The following XPNPEP3 variants were observed in gnomAD, a reference collection of about 807,000 sequenced individuals.
XPNPEP3 encodes X-prolyl aminopeptidase 3.
A neutral mutation model predicts 60.0 loss-of-function variants in XPNPEP3; 41 were observed. That is an observed-to-expected ratio of 0.68 (90% CI 0.53 to 0.89). The LOEUF (loss-of-function observed/expected upper bound fraction) is 0.89. Among genes scored for constraint, XPNPEP3 ranks in the 40% least tolerant of loss-of-function variants. XPNPEP3 has a pLI of 0.00. For missense variants in XPNPEP3, 598 were observed against 638.9 expected (o/e 0.94, Z 0.69); for synonymous variants, 212 against 223.2 (o/e 0.95, Z 0.45).
intron 6 of XPNPEP3, among the ~76,000 whole-genome samples, chr22:40,910,833 G>A (rs531835184): frequency 9.9e-5 from 15 of 151,946 alleles, no homozygotes; most frequent in South Asian, 2.1e-4. Context: ...GTGAAACCCC[G>A]TCTCTACTAA....
chr22:40,862,694 A>G, intron 1 of XPNPEP3: 1 of 985,468 alleles, frequency 1.0e-6, no homozygotes, highest in Non-Finnish European at 1.2e-6. Context: ...GTCATTTGAG[A>G]TTATAGTATC....
rs886057510 is a variant in XPNPEP3 at position 40,926,549 on chromosome 22, G to A, written c.*114G>A. 2.3e-6 allele frequency: 3 copies of A among 1,288,618 alleles called. No individual in the cohort carries two copies. Among genetic ancestry groups the A allele is most frequent in the Non-Finnish European group, 3.4e-6 (3 of 890,834 alleles). The allele number at this position is 1,288,618 out of a possible 1,614,324, so 79.8% of individuals were successfully genotyped here. A position where few individuals can be genotyped will look rare whatever the true frequency, so the allele number is the denominator to read the frequency against. On this transcript the variant is annotated 3_prime_UTR_variant, in exon 10 of 10. Transcript: ENST00000357137. ...GCATTAATATATGCATTCCATTTGG[G>A]AGCATAGCAGCTGTGTGAATGTATG...
At chr22:40,922,568 T>G in intron 8 of XPNPEP3, 55 bp downstream of exon 8, 2 of 1,578,750 alleles carry the variant, frequency 1.3e-6, no homozygotes, top group Non-Finnish European at 1.7e-6. Flanking sequence ...GCTGCTAGGT[T>G]TTTACCCTAT....
rs886057549 is a variant in XPNPEP3 at position 40,932,599 on chromosome 22, G to C, written c.*6164G>C. ...AATCAGAGGACCCACTGGAATCAAG[G>C]CTTCTTGGAATTGCGCAAGAATCTG... On this transcript the variant is annotated 3_prime_UTR_variant, in exon 10 of 10. Coordinates refer to ENST00000357137, the MANE Select transcript of XPNPEP3 (RefSeq NM_022098.4). The C allele has an allele frequency of 1.3e-5, 2 of 152,068 alleles. No homozygotes were observed. The highest frequency in any genetic ancestry group is 2.4e-5 in the African/African-American group (1 of 41,390). 9.4% of individuals were successfully genotyped at this position (152,068 alleles called of 1,614,324 possible).
intron 9 of XPNPEP3, among the ~76,000 whole-genome samples, chr22:40,924,848 G>C (rs978888069): frequency 6.6e-6 from 1 of 152,030 alleles, no homozygotes. Flanking sequence ...CTCAACCAAT[G>C]TAATTAAGTT....
chr22:40,921,692 A>C (rs1041074055), intron 7 of XPNPEP3, among the ~76,000 whole-genome samples: 4 of 152,124 alleles, frequency 2.6e-5, no homozygotes, highest in African/African-American at 9.7e-5. Context: ...TTGAATTTCA[A>C]ATATTTTCTT....
intron 4 of XPNPEP3, among the ~76,000 whole-genome samples, chr22:40,888,818 G>A (rs1462758103): frequency 2.6e-5 from 4 of 151,960 alleles, no homozygotes; most frequent in East Asian, 1.9e-4. Flanking sequence ...TGGCTGCACC[G>A]TTTCACATTC....
Position 40,926,329 on chromosome 22 carries a change from G to A in XPNPEP3, c.1418G>A (p.Arg473Gln), listed in dbSNP as rs757967685. The A allele has an allele frequency of 1.4e-5, 22 of 1,614,020 alleles. No individual in the cohort carries two copies. The highest frequency in any genetic ancestry group is 6.7e-5 in the East Asian group (3 of 44,894). ...GAGAAGTTTCGGGGTCTTGGTGTAC[G>A]AATTGAGGATGATGTAGTGGTGACT... is the stretch of plus-strand genomic sequence containing the variant. ...APEKFRGLGVRIEDDVVVTQD... is the reference protein window; with the variant it reads ...APEKFRGLGVQIEDDVVVTQD... Residue 473 changes from arginine (R) to glutamine (Q), a missense_variant, in exon 10 of 10, where the codon CGA becomes CAA. Physicochemically the swap from Arg to Gln is conservative, Grantham distance 43. Transcript: ENST00000357137.
chr22:40,885,685 T>C (rs909433396), intron 3 of XPNPEP3, among the ~76,000 whole-genome samples: 1 of 152,168 alleles, frequency 6.6e-6, no homozygotes, highest in Admixed American at 6.5e-5. Flanking sequence ...ACAGTTGTTC[T>C]AATTGTTTAA....
At chr22:40,884,371 C>G (rs1024513381) in intron 3 of XPNPEP3, among the ~76,000 whole-genome samples, 41 of 151,520 alleles carry the variant, frequency 2.7e-4, no homozygotes, top group African/African-American at 9.9e-4. Context: ...TCGCTCTTGC[C>G]CAGGCTGGAG....
intron 2 of XPNPEP3, among the ~76,000 whole-genome samples, chr22:40,879,928 G>A (rs1393109636): frequency 6.7e-6 from 1 of 149,972 alleles, no homozygotes; most frequent in East Asian, 2.0e-4. Context: ...TTGGGTGGCT[G>A]AGGCACAAGA....
At chr22:40,909,075 C>A (rs778327883) in intron 5 of XPNPEP3, 47 bp from the exon 6 acceptor site, 1 of 1,534,068 alleles carries the variant, frequency 6.5e-7, no homozygotes, top group Non-Finnish European at 9.0e-7. Context: ...TGGGCTGGGG[C>A]AGCCCTACAG....
chr22:40,885,640 A>G (rs2146253524), intron 3 of XPNPEP3, among the ~76,000 whole-genome samples: 1 of 152,320 alleles, frequency 6.6e-6, no homozygotes, highest in African/African-American at 2.4e-5. Context: ...CAATTATTCA[A>G]CAAGTGCCTC....
chr22:40,898,225 ATTTTTTTTTTTTTTTTTTTTTTT>A (rs71200626), intron 4 of XPNPEP3, among the ~76,000 whole-genome samples: 9 of 28,768 alleles, frequency 3.1e-4, no homozygotes, highest in African/African-American at 4.8e-4. Flanking sequence ...TCTTTGACCC[ATTTTTTTTTTTTTTTTTTTTTTT>A]TTTTTTTTTT....
At position 40,901,931 on chromosome 22, in the gene XPNPEP3, TG is replaced by T. The variant is rs200982911; in HGVS notation, c.793-5654del. Among the ~76,000 whole-genome samples the T allele has an allele frequency of 8.8e-3, 1,339 of 152,148 alleles. 20 individuals are homozygous for T. Among genetic ancestry groups the T allele is most frequent in the African/African-American group, 0.031 (1,297 of 41,520 alleles). ...AAAATGTTTGGGAACTAGAGAGAGG[TG>T]GTGGTTGCAAAACATTGTGAATGTA... is the stretch of plus-strand genomic sequence containing the variant. On this transcript the variant is annotated intron_variant, in intron 4 of 9. Transcript: ENST00000357137.
At chr22:40,869,623 A>C (rs1361844803) in intron 2 of XPNPEP3, among the ~76,000 whole-genome samples, 1 of 152,214 alleles carries the variant, frequency 6.6e-6, no homozygotes, top group Non-Finnish European at 1.5e-5. Flanking sequence ...CAGATTTGAG[A>C]GGTAGTATCC....
intron 7 of XPNPEP3, among the ~76,000 whole-genome samples, chr22:40,915,534 A>C (rs1355680553): frequency 6.6e-6 from 1 of 151,642 alleles, no homozygotes; most frequent in Non-Finnish European, 1.5e-5. Context: ...CCTGGGTGAC[A>C]GAGTGAGACT....
chr22:40,894,515 G>A (rs1325765218), intron 4 of XPNPEP3, among the ~76,000 whole-genome samples: 3 of 152,050 alleles, frequency 2.0e-5, no homozygotes, highest in African/African-American at 4.8e-5. Context: ...AAACTTCCTC[G>A]GTCAGCTATT....
At chr22:40,858,208 C>G (rs2057915453) in intron 1 of XPNPEP3, among the ~76,000 whole-genome samples, 1 of 152,058 alleles carries the variant, frequency 6.6e-6, no homozygotes, top group African/African-American at 2.4e-5. Flanking sequence ...TGAGTTCAAG[C>G]AATTCTCGTG....
Sources: gnomAD v4.1 joint callset for allele counts (sites outside exome capture counted in the v4.1 genomes callset) on GRCh38, gnomAD v4.1.1 for gene constraint, MANE v1.5 for transcripts, NCBI Gene and HGNC (gene_info 2026-07-23, HGNC 2026-07-21) for gene names.